The following DGKH variants were observed in gnomAD, a reference collection of about 807,000 sequenced individuals.
DGKH encodes diacylglycerol kinase eta, also known as DAG kinase eta.
DGKH carries 90 observed loss-of-function variants against 159.3 expected under a neutral mutation model. The observed-to-expected ratio is 0.57, with a 90% CI of 0.48 to 0.67. DGKH has a LOEUF of 0.67. DGKH is among the 30% of genes least tolerant of loss of function. The pLI, the probability that DGKH is intolerant of heterozygous loss-of-function variation, is 0.00. For missense variants in DGKH, 1,181 were observed against 1,506.1 expected (o/e 0.78, Z 3.57); for synonymous variants, 536 against 553.8 (o/e 0.97, Z 0.45).
At chr13:42,111,425 C>G (rs1361652317) in intron 1 of DGKH, among the ~76,000 whole-genome samples, 1 of 152,044 alleles carries the variant, frequency 6.6e-6, no homozygotes, top group Admixed American at 6.5e-5. Context: ...ACTAAAAATA[C>G]AAAAATTAGC....
chr13:42,054,204 G>A (rs1881581105), intron 1 of DGKH, among the ~76,000 whole-genome samples: 1 of 152,220 alleles, frequency 6.6e-6, no homozygotes, highest in African/African-American at 2.4e-5. Flanking sequence ...ATGGTTCATG[G>A]CCAGCATTTA....
chr13:42,068,952 G>A, intron 1 of DGKH: 1 of 1,445,786 alleles, frequency 6.9e-7, no homozygotes, highest in South Asian at 1.2e-5. Context: ...TGTTCAGAAT[G>A]CCGCTGTATG....
At chr13:42,106,386 C>A (rs1954756103) in intron 1 of DGKH, among the ~76,000 whole-genome samples, 1 of 152,138 alleles carries the variant, frequency 6.6e-6, no homozygotes, top group Admixed American at 6.5e-5. Context: ...GCTCAGCAAG[C>A]CTTCGAGTCC....
intron 23 of DGKH, among the ~76,000 whole-genome samples, chr13:42,209,858 G>T (rs972142012): frequency 6.6e-6 from 1 of 152,098 alleles, no homozygotes; most frequent in Non-Finnish European, 1.5e-5. Context: ...TTGTACATCT[G>T]TGAGTTTGGA....
At chr13:42,108,040 A>G (rs971996462) in intron 1 of DGKH, among the ~76,000 whole-genome samples, 2 of 152,180 alleles carry the variant, frequency 1.3e-5, no homozygotes, top group African/African-American at 4.8e-5. Context: ...AGTCCTTAAA[A>G]GAAGAGTCAT....
chr13:42,219,926 G>T (rs550929957), intron 28 of DGKH, 132 bp downstream of exon 28: 15 of 695,042 alleles, frequency 2.2e-5, no homozygotes, highest in Non-Finnish European at 2.9e-5. Flanking sequence ...TGAACATACT[G>T]TCATTGAATT....
At chr13:42,161,034 T>C (rs1281735136) in intron 7 of DGKH, among the ~76,000 whole-genome samples, 5 of 152,224 alleles carry the variant, frequency 3.3e-5, no homozygotes, top group Admixed American at 6.5e-5. Context: ...TTATTCTTCA[T>C]TGATTGCCTC....
intron 27 of DGKH, 61 bp downstream of exon 27, chr13:42,219,410 T>C: frequency 6.4e-7 from 1 of 1,570,092 alleles, no homozygotes; most frequent in Non-Finnish European, 8.6e-7. Flanking sequence ...GAATTTGAAC[T>C]CATCTTTGAA....
At chr13:42,252,665 T>C (rs897622099) in intron 30 of DGKH, among the ~76,000 whole-genome samples, 2 of 152,100 alleles carry the variant, frequency 1.3e-5, no homozygotes, top group South Asian at 2.1e-4. Context: ...AAACCTGCAA[T>C]TGCACGCTAA....
intron 1 of DGKH, among the ~76,000 whole-genome samples, chr13:42,097,031 T>C (rs948491524): frequency 6.6e-6 from 1 of 152,304 alleles, no homozygotes; most frequent in South Asian, 2.1e-4. Context: ...GGGAAATCCT[T>C]TACAAGCTGG....
chr13:42,111,587 T>C (rs931690898), intron 1 of DGKH, among the ~76,000 whole-genome samples: 5 of 152,052 alleles, frequency 3.3e-5, no homozygotes, highest in Admixed American at 2.6e-4. Flanking sequence ...CAAAAAAAAA[T>C]ATGTTGGATA....
chr13:42,152,881 C>T (rs1174242725), intron 3 of DGKH, among the ~76,000 whole-genome samples: 2 of 152,066 alleles, frequency 1.3e-5, no homozygotes, highest in African/African-American at 4.8e-5. Context: ...AGCACATGGG[C>T]CAGCAGGTCC....
chr13:42,227,672 A>AT (rs1409470204), intron 29 of DGKH, among the ~76,000 whole-genome samples: 4 of 152,130 alleles, frequency 2.6e-5, no homozygotes, highest in Admixed American at 6.5e-5. Flanking sequence ...AGGAGAAAAT[A>AT]TTTTTCTGAG....
chr13:42,100,559 A>G (rs772928320), intron 1 of DGKH, among the ~76,000 whole-genome samples: 1 of 152,110 alleles, frequency 6.6e-6, no homozygotes, highest in Admixed American at 6.6e-5. Flanking sequence ...TGGTGCCGCC[A>G]TGGTAGCTCA....
chr13:42,064,668 G>A (rs1180245466), intron 1 of DGKH, among the ~76,000 whole-genome samples: 2 of 152,086 alleles, frequency 1.3e-5, no homozygotes, highest in Non-Finnish European at 2.9e-5. Flanking sequence ...TTTAAAAAAG[G>A]AAAGAAAGAA....
intron 20 of DGKH, among the ~76,000 whole-genome samples, chr13:42,201,066 C>T (rs1318738987): frequency 6.6e-6 from 1 of 150,506 alleles, no homozygotes; most frequent in Non-Finnish European, 1.5e-5. Flanking sequence ...GATCTCGGCT[C>T]ACTGCAACCT....
chr13:42,205,369 AAAC>A (rs1957439332), intron 20 of DGKH, among the ~76,000 whole-genome samples: 1 of 152,226 alleles, frequency 6.6e-6, no homozygotes, highest in Admixed American at 6.5e-5. Context: ...TGAAATTAAG[AAAC>A]AACATTTATG....
intron 1 of DGKH, among the ~76,000 whole-genome samples, chr13:42,096,359 C>T (rs780688574): frequency 3.3e-5 from 5 of 152,058 alleles, no homozygotes; most frequent in East Asian, 1.9e-4. Flanking sequence ...TCTGTTCCTG[C>T]GTTAATTTGC....
At chr13:42,112,246 A>G (rs1954876412) in intron 1 of DGKH, among the ~76,000 whole-genome samples, 3 of 150,960 alleles carry the variant, frequency 2.0e-5, no homozygotes, top group Non-Finnish European at 4.4e-5. Context: ...GTAATGTTAA[A>G]TGTCATTATA....
Sources: gnomAD v4.1 joint callset for allele counts (sites outside exome capture counted in the v4.1 genomes callset) on GRCh38, gnomAD v4.1.1 for gene constraint, MANE v1.5 for transcripts, NCBI Gene and HGNC (gene_info 2026-07-23, HGNC 2026-07-21) for gene names.